The following KRT85 variants were observed in gnomAD, a reference collection of about 807,000 sequenced individuals.
KRT85 encodes the protein keratin, type II cuticular Hb5.
In KRT85, 39 loss-of-function variants were observed where a neutral mutation model predicts 53.7. The observed-to-expected ratio is 0.73, with a 90% CI of 0.56 to 0.95. KRT85 has a LOEUF of 0.95. Ranked by LOEUF, KRT85 falls within the 40% of genes least tolerant of loss-of-function variation. The probability of loss-of-function intolerance (pLI) is 0.00; values close to 1 mark genes in which losing one functional copy is unlikely to be tolerated. For missense variants in KRT85, 668 were observed against 686.0 expected, an observed-to-expected ratio of 0.97 and a Z score of 0.29; for synonymous variants, 291 against 277.5, an observed-to-expected ratio of 1.05 and a Z score of -0.48.
rs1939176118 is a variant in KRT85, at chr12:52,360,702, G to A, written c.*151C>T. On this transcript the variant is annotated 3_prime_UTR_variant, in exon 9 of 9. Transcript: ENST00000257901. ...TAGCATGAAAAGGCGCAGGGGAGCG[G>A]CCCGAGGGTCTTTCCCTCTGTAGGT... The A allele has an allele frequency of 2.3e-6, 2 of 859,494 alleles. No homozygotes were observed. The highest frequency in any genetic ancestry group is 3.9e-5 in the Admixed American group (2 of 51,248). 53.2% of individuals were successfully genotyped at this position (859,494 alleles called of 1,614,324 possible).
chr12:52,362,618 G>A, intron 6 of KRT85, 147 bp from the exon 7 acceptor site: 1 of 1,208,498 alleles, frequency 8.3e-7, no homozygotes, highest in Non-Finnish European at 1.2e-6. Flanking sequence ...TGAATATGAG[G>A]GAGGAGATGG....
chr12:52,365,742 A>G (rs1939261729), intron 1 of KRT85, among the ~76,000 whole-genome samples: 1 of 152,162 alleles, frequency 6.6e-6, no homozygotes, highest in Non-Finnish European at 1.5e-5. Context: ...GGATGTAGAT[A>G]TTACTTACCC....
Position 52,365,321 on chromosome 12 carries a change from G to A in KRT85, c.421-151C>T, listed in dbSNP as rs1446652425. On this transcript the variant is annotated intron_variant, in intron 1 of 8. Transcript: ENST00000257901. The stretch of plus-strand genomic sequence containing the variant: ...AAGGGGCCCATTCCCAGGCCCCCAG[G>A]GAGGCAGTTGTGGGTGTGAGGGAAA... 5.9e-6 allele frequency: 5 copies of A among 851,590 alleles called. No individual in the cohort carries two copies. In the East Asian group the frequency reaches 1.3e-4, roughly 23 times the overall value. 52.8% of individuals were successfully genotyped at this position (851,590 alleles called of 1,614,324 possible). A position where few individuals can be genotyped will look rare whatever the true frequency, so the allele number is the denominator to read the frequency against.
rs1939199357 is a variant in KRT85 at position 52,362,130 on chromosome 12, T to C, written c.1298+121A>G. 2.6e-6 allele frequency: 3 copies of C among 1,146,138 alleles called. No homozygotes were observed. The East Asian group carries it at 7.6e-5, about 29-fold the overall frequency. 71.0% of individuals were successfully genotyped at this position (1,146,138 alleles called of 1,614,324 possible). ...AAGCATTCAGTTATTATTATTATTA[T>C]TATTGAAGCTATTGTATTAGCCATG... On this transcript the variant is annotated intron_variant, in intron 7 of 8. Transcript: ENST00000257901.
At chr12:52,364,444 C>T (rs17657396) in intron 2 of KRT85, 78 bp from the exon 3 acceptor site, 80,543 of 1,612,320 alleles carry the variant, frequency 0.05, 2,266 homozygotes, top group South Asian at 0.065. Context: ...CAAGTTCTTC[C>T]GGGGATTGAA....
chr12:52,367,467 G>A lies in KRT85; in HGVS notation c.-62C>T. On this transcript the variant is annotated 5_prime_UTR_variant, in exon 1 of 9. Coordinates refer to ENST00000257901, the MANE Select transcript of KRT85 (RefSeq NM_002283.4). ...GGTGGTGCGGGCGGCAGAGTGCGAG[G>A]CTCAGGATCCTTCTGCTCTCTCTGA... 2 of 1,545,108 alleles carry A rather than the reference G, an allele frequency of 1.3e-6. No homozygotes were observed. Among genetic ancestry groups the A allele is most frequent in the Non-Finnish European group, 1.8e-6 (2 of 1,124,434 alleles).
At position 52,362,362 on chromosome 12, in the gene KRT85, T is replaced by G. The variant is rs761975663; in HGVS notation, c.1187A>C (p.Lys396Thr). The change falls in exon 7 of 9, where the codon AAG becomes ACG. Residue 396 changes from lysine to threonine, a missense_variant. Physicochemically the swap from Lys to Thr is moderately conservative, Grantham distance 78. Around this residue, in one of 3 missense-constraint regions of KRT85, gnomAD observed 488 missense variants for 498.1 expected, o/e 0.98. Transcript: ENST00000257901. ...CTTGAGCAGGCAGGCCATGTCCTGC[T>G]TGGCCTTCTGCAGGGCGCCCTCCAG... ...AELEGALQKA[K>T]QDMACLLKEY... is the part of the protein sequence containing the mutation. The G allele has an allele frequency of 1.2e-6, 2 of 1,614,224 alleles. No homozygotes were observed. Among genetic ancestry groups the G allele is most frequent in the South Asian group, 2.2e-5 (2 of 91,090 alleles).
chr12:52,364,593 A>G, intron 2 of KRT85: 1 of 1,442,686 alleles, frequency 6.9e-7, no homozygotes, highest in Non-Finnish European at 9.0e-7. Context: ...AGGAATGCAC[A>G]TTCCTTCCCC....
At chr12:52,364,759 G>A in intron 2 of KRT85, 2 of 1,362,356 alleles carry the variant, frequency 1.5e-6, no homozygotes, top group East Asian at 2.5e-5. Flanking sequence ...TCCCCCAGAA[G>A]TAGCTCTAAG....
rs894261080 is a variant in KRT85, at chr12:52,367,150, C to T, written c.256G>A (p.Gly86Ser). The change falls in exon 1 of 9, where the codon GGC becomes AGC. Residue 86 changes from glycine (G) to serine (S), a missense_variant. Coordinates refer to ENST00000257901, the MANE Select transcript of KRT85 (RefSeq NM_002283.4). ...CGRSFGYRSG[G>S]VCGPSPPCIT... Reference sequence around the variant, plus strand: ...CATGGGGGGCTGGGTCCGCACACGCCCCCGGAGCGGTAGCCGAAGCTGCGT... The same window carrying T: ...CATGGGGGGCTGGGTCCGCACACGCTCCCGGAGCGGTAGCCGAAGCTGCGT... The T allele has an allele frequency of 5.0e-6, 8 of 1,613,598 alleles. No homozygotes were observed. Among genetic ancestry groups the T allele is most frequent in the Non-Finnish European group, 6.8e-6 (8 of 1,180,048 alleles).
chr12:52,365,089 G>C lies in KRT85; in HGVS notation c.502C>G (p.Leu168Val), dbSNP rs781294049. 8.1e-6 allele frequency: 13 copies of C among 1,614,142 alleles called. No homozygotes were observed. The highest frequency in any genetic ancestry group is 1.1e-5 in the South Asian group (1 of 91,086). ...YQNQRCCESN[L>V]EPLFSGYIET... is the part of the protein sequence containing the mutation. Reference sequence around the variant, plus strand: ...ATGTAGCCACTGAACAGTGGCTCCAGGTTGCTCTCGCAGCAGCGCTGGTTC... The same window carrying C: ...ATGTAGCCACTGAACAGTGGCTCCACGTTGCTCTCGCAGCAGCGCTGGTTC... The change falls in exon 2 of 9, where the codon CTG becomes GTG. Residue 168 changes from leucine (L) to valine (V), a missense_variant. Leu to Val is a conservative substitution (Grantham distance 32). Coordinates refer to ENST00000257901, the MANE Select transcript of KRT85 (RefSeq NM_002283.4).
At position 52,360,891 on chromosome 12, in the gene KRT85, A is replaced by T. The variant is rs970931843; in HGVS notation, c.1486T>A (p.Phe496Ile). Residue 496 changes from phenylalanine to isoleucine, a missense_variant, in exon 9 of 9, where the codon TTC becomes ATC. By Grantham distance (21) the Phe-to-Ile change is conservative (BLOSUM62 0). Coordinates refer to ENST00000257901, the MANE Select transcript of KRT85 (RefSeq NM_002283.4). ...ACCGACCGGCTACTCCCGCAGCTGA[A>T]GCTGGAGGAACGAGGCTGGCAGGGG... ...CAPCQPRSSS[F>I]SCGSSRSVRF... 6.2e-7 allele frequency: 1 copy of T among 1,612,434 alleles called. No homozygotes were observed. The highest frequency in any genetic ancestry group is 2.2e-5 in the East Asian group (1 of 44,880).
At chr12:52,362,498 G>T in intron 6 of KRT85, 27 bp from the exon 7 acceptor site, 1 of 1,612,200 alleles carries the variant, frequency 6.2e-7, no homozygotes, top group Middle Eastern at 1.7e-4. Context: ...CAAGGGCCAG[G>T]ATGAGAAAGA....
intron 8 of KRT85, among the ~76,000 whole-genome samples, 199 bp downstream of exon 8, chr12:52,361,268 A>G (rs555387219): frequency 2.4e-4 from 36 of 152,324 alleles, no homozygotes; most frequent in Non-Finnish European, 4.0e-4. Flanking sequence ...CCACAGGTCC[A>G]TGGCCTATAG....
At chr12:52,364,402 A>G (rs1306780217) in intron 2 of KRT85, 36 bp from the exon 3 acceptor site, 30 of 1,613,996 alleles carry the variant, frequency 1.9e-5, no homozygotes, top group Non-Finnish European at 2.5e-5. Flanking sequence ...GAGCTGAGAA[A>G]CTGGACCTTG....
chr12:52,360,668 G>T lies in KRT85; in HGVS notation c.*185C>A. The T allele has an allele frequency of 1.5e-6, 1 of 646,666 alleles. No homozygotes were observed. The highest frequency in any genetic ancestry group is 2.7e-5 in the East Asian group (1 of 36,734). The allele number at this position is 646,666 out of a possible 1,614,324, so 40.1% of individuals were successfully genotyped here. On this transcript the variant is annotated 3_prime_UTR_variant, in exon 9 of 9. Coordinates refer to ENST00000257901, the MANE Select transcript of KRT85 (RefSeq NM_002283.4). ...CAGCTGCCAGGAGGACAACTAGGATGCATCTCCCTAGCATGAAAAGGCGCA... is the reference window on the plus strand; with the variant it reads ...CAGCTGCCAGGAGGACAACTAGGATTCATCTCCCTAGCATGAAAAGGCGCA...
At chr12:52,364,682 T>C in intron 2 of KRT85, 1 of 1,433,888 alleles carries the variant, frequency 7.0e-7, no homozygotes, top group Non-Finnish European at 9.1e-7. Context: ...GCCCATGTCA[T>C]AAAGGTAAGC....
chr12:52,365,674 CTG>C (rs1360236935), intron 1 of KRT85, among the ~76,000 whole-genome samples: 6 of 152,184 alleles, frequency 3.9e-5, no homozygotes, highest in Non-Finnish European at 8.8e-5. Context: ...TGTCTAATGT[CTG>C]TGTCTATGTC....
In KRT85 at chr12:52,364,096, G is replaced by T; in HGVS notation, c.758C>A (p.Ser253Tyr). Residue 253 changes from serine (S) to tyrosine (Y), a missense_variant, in exon 4 of 9, where the codon TCT becomes TAT. Around this residue, in one of 3 missense-constraint regions of KRT85, gnomAD observed 488 missense variants for 498.1 expected, o/e 0.98. Coordinates refer to ENST00000257901, the MANE Select transcript of KRT85 (RefSeq NM_002283.4). The stretch of plus-strand genomic sequence containing the variant: ...TTCATAGAGGCGCCTCAGGAAGCTA[G>T]ACTCCTCCACCAGGGCCTCCACATT... ...EANVEALVEE[S>Y]SFLRRLYEEE... 6.2e-7 allele frequency: 1 copy of T among 1,614,006 alleles called. No individual in the cohort carries two copies. Among genetic ancestry groups the T allele is most frequent in the Non-Finnish European group, 8.5e-7 (1 of 1,180,010 alleles).
Sources: gnomAD v4.1 joint callset for allele counts (sites outside exome capture counted in the v4.1 genomes callset) on GRCh38, gnomAD v4.1.1 for gene constraint, gnomAD v4.1.1 regional missense constraint, MANE v1.5 for transcripts, NCBI Gene and HGNC (gene_info 2026-07-23, HGNC 2026-07-21) for gene names.